COX10: variants seen among roughly 807,000 people sequenced by gnomAD.
The protein encoded by COX10 is protoheme IX farnesyltransferase, mitochondrial.
COX10 carries 27 observed loss-of-function variants against 37.3 expected under a neutral mutation model. The observed-to-expected ratio is 0.72, with a 90% CI of 0.53 to 1.00. The LOEUF is 1.00. Ranked by LOEUF, COX10 falls within the 50% of genes least tolerant of loss-of-function variation. The pLI, the probability that COX10 is intolerant of heterozygous loss-of-function variation, is 0.00. For missense variants in COX10, 475 were observed against 563.2 expected, an observed-to-expected ratio of 0.84 and a Z score of 1.59; for synonymous variants, 222 against 229.1, an observed-to-expected ratio of 0.97 and a Z score of 0.28.
At chr17:14,093,245 C>G (rs1319316571) in intron 3 of COX10, among the ~76,000 whole-genome samples, 1 of 151,842 alleles carries the variant, frequency 6.6e-6, no homozygotes, top group African/African-American at 2.4e-5. Flanking sequence ...TTTGTTTTTT[C>G]TCTTAGTTCT....
intron 5 of COX10, among the ~76,000 whole-genome samples, chr17:14,160,150 G>A (rs1434182765): frequency 6.6e-6 from 1 of 151,862 alleles, no homozygotes; most frequent in African/African-American, 2.4e-5. Context: ...AGAGTGGCAG[G>A]GTTTTTTTTT....
chr17:14,154,810 T>G (rs143355983), intron 4 of COX10, among the ~76,000 whole-genome samples: 5 of 152,206 alleles, frequency 3.3e-5, no homozygotes, highest in Admixed American at 1.3e-4. Context: ...CGATATTATT[T>G]TCTTCAACCC....
intron 4 of COX10, among the ~76,000 whole-genome samples, chr17:14,153,445 G>A (rs1021320103): frequency 2.4e-4 from 36 of 152,278 alleles, no homozygotes; most frequent in African/African-American, 8.4e-4. Context: ...TTTGATTCAT[G>A]TATACAAATA....
chr17:14,203,197 T>C (rs942390834), intron 6 of COX10, among the ~76,000 whole-genome samples: 5 of 152,110 alleles, frequency 3.3e-5, no homozygotes, highest in Admixed American at 6.6e-5. Context: ...AGCATTAAAA[T>C]TGAGTGTGTT....
intron 4 of COX10, among the ~76,000 whole-genome samples, chr17:14,129,229 A>G (rs554170861): frequency 2.0e-5 from 3 of 151,510 alleles, no homozygotes; most frequent in African/African-American, 7.3e-5. Context: ...TGCTAGATAT[A>G]TTGTGTTTAA....
intron 3 of COX10, 108 bp downstream of exon 3, chr17:14,077,164 T>C (rs980948489): frequency 7.0e-5 from 71 of 1,019,936 alleles, no homozygotes; most frequent in Non-Finnish European, 8.6e-6. Flanking sequence ...CTGCAGGTCC[T>C]GTCTTAGTAT....
chr17:14,163,424 T>G (rs1215464439), intron 5 of COX10, among the ~76,000 whole-genome samples: 1 of 151,910 alleles, frequency 6.6e-6, no homozygotes, highest in Admixed American at 6.6e-5. Flanking sequence ...CTGGCTAATT[T>G]TTTTGTATTT....
At chr17:14,136,887 C>G (rs1161381264) in intron 4 of COX10, among the ~76,000 whole-genome samples, 1 of 151,870 alleles carries the variant, frequency 6.6e-6, no homozygotes, top group Non-Finnish European at 1.5e-5. Context: ...ACATTGAAAT[C>G]TTTTTGGTTA....
At chr17:14,182,495 C>T (rs2142256923) in intron 5 of COX10, among the ~76,000 whole-genome samples, 1 of 151,964 alleles carries the variant, frequency 6.6e-6, no homozygotes, top group South Asian at 2.1e-4. Context: ...AGTCGTCTGC[C>T]ACTCTATAAT....
intron 1 of COX10, among the ~76,000 whole-genome samples, chr17:14,071,086 C>G (rs1915012508): frequency 6.6e-6 from 1 of 152,138 alleles, no homozygotes; most frequent in Non-Finnish European, 1.5e-5. Context: ...TCTACCATAC[C>G]TGACTGTGAA....
intron 4 of COX10, among the ~76,000 whole-genome samples, chr17:14,132,738 G>C (rs1916494585): frequency 6.6e-6 from 1 of 151,546 alleles, no homozygotes; most frequent in Admixed American, 6.6e-5. Context: ...TGAAATGTCT[G>C]TTTCAAAGAA....
chr17:14,079,371 A>G (rs1338653462), intron 3 of COX10, among the ~76,000 whole-genome samples: 2 of 152,196 alleles, frequency 1.3e-5, no homozygotes, highest in East Asian at 1.9e-4. Context: ...GAGAATTTTA[A>G]GTAGAGGGAA....
intron 4 of COX10, among the ~76,000 whole-genome samples, chr17:14,113,500 A>G (rs1916049907): frequency 6.6e-6 from 1 of 152,200 alleles, no homozygotes; most frequent in African/African-American, 2.4e-5. Flanking sequence ...CAAGTAAGTA[A>G]TAGAATGTAG....
At chr17:14,184,122 C>T (rs1445461792) in intron 5 of COX10, among the ~76,000 whole-genome samples, 3 of 149,294 alleles carry the variant, frequency 2.0e-5, no homozygotes, top group Non-Finnish European at 3.0e-5. Flanking sequence ...AATTTGCTCA[C>T]GATCACACGG....
intron 5 of COX10, among the ~76,000 whole-genome samples, chr17:14,166,309 C>T (rs974082400): frequency 6.6e-6 from 1 of 152,148 alleles, no homozygotes; most frequent in African/African-American, 2.4e-5. Context: ...GAGTTGAAGC[C>T]AGTGCTCATT....
At chr17:14,131,825 A>G (rs914060596) in intron 4 of COX10, among the ~76,000 whole-genome samples, 7 of 151,992 alleles carry the variant, frequency 4.6e-5, no homozygotes, top group Non-Finnish European at 1.0e-4. Flanking sequence ...ACATGCCTGG[A>G]AAGGAATTGT....
At chr17:14,084,493 G>A (rs541691621) in intron 3 of COX10, among the ~76,000 whole-genome samples, 16 of 151,920 alleles carry the variant, frequency 1.1e-4, no homozygotes, top group Admixed American at 3.3e-4. Context: ...ATATACGATC[G>A]TAGCGTAAAT....
chr17:14,078,480 T>A (rs1915206171), intron 3 of COX10, among the ~76,000 whole-genome samples: 1 of 152,118 alleles, frequency 6.6e-6, no homozygotes, highest in Non-Finnish European at 1.5e-5. Context: ...GAACCAGTCT[T>A]CTTCACTTTT....
rs573785352 is a variant in COX10 at position 14,181,940 on chromosome 17, C to G, written c.696-10049C>G. The G allele has an allele frequency of 1.5e-3, 1,455 of 969,612 alleles. 12 individuals carry two copies. In the African/African-American group the frequency reaches 0.023, roughly 15 times the overall value. The allele number at this position is 969,612 out of a possible 1,614,324, so 60.1% of individuals were successfully genotyped here. ...AATTCAGGGGTCACCACGTACTCCC[C>G]TCTGAATAAGAAGGCTGAATCTCAG... On this transcript the variant is annotated intron_variant, in intron 5 of 6. Transcript: ENST00000261643.
Sources: allele counts gnomAD v4.1 joint callset (sites outside exome capture counted in the v4.1 genomes callset), GRCh38; gene constraint gnomAD v4.1.1; transcripts MANE v1.5; gene names NCBI Gene and HGNC (gene_info 2026-07-23, HGNC 2026-07-21).